Variants in MYT1L observed in about 807,000 individuals in gnomAD.
MYT1L encodes myelin transcription factor 1 like.
A neutral mutation model predicts 126.7 loss-of-function variants in MYT1L; 12 were observed. The observed-to-expected ratio is 0.09, with a 90% confidence interval of 0.06 to 0.15. The LOEUF (loss-of-function observed/expected upper bound fraction) is 0.15, where lower values mean the gene tolerates loss of function less well. Ranked by LOEUF, MYT1L falls within the 10% of genes least tolerant of loss-of-function variation. The pLI, the probability that MYT1L is intolerant of heterozygous loss-of-function variation, is 1.00. For missense variants in MYT1L, 979 were observed against 1,585.2 expected (o/e 0.62, Z 6.49); for synonymous variants, 541 against 604.2 (o/e 0.90, Z 1.53).
rs1376710205 is a variant in MYT1L at position 2,217,735 on chromosome 2, AAAAG to A, written c.-420-44751_-420-44748del. 6.2e-5 allele frequency among the ~76,000 whole-genome samples: 9 copies of A among 145,508 alleles called. No individual in the cohort carries two copies. In the South Asian group the frequency reaches 6.6e-4, roughly 11 times the overall value. On this transcript the variant is annotated intron_variant, in intron 2 of 24. Coordinates refer to ENST00000647738, the MANE Select transcript of MYT1L (RefSeq NM_001303052.2). ...AAAAAAAAAAGAAAGAAGGAAAAAG[AAAAG>A]AAAGAAAGAAAGAAAATCCACATTA...
rs1020028650 is a variant in MYT1L, at chr2:1,856,300, C to T, written c.2712-4597G>A. The stretch of plus-strand genomic sequence containing the variant: ...TGGCCTTGTCTTTACTATTCACCAC[C>T]AAAGAAACAATCTCTGTGAGCCTGT... On this transcript the variant is annotated intron_variant, in intron 18 of 24. Coordinates refer to ENST00000647738, the MANE Select transcript of MYT1L (RefSeq NM_001303052.2). Among the ~76,000 whole-genome samples, 11 of 152,286 alleles carry T rather than the reference C, an allele frequency of 7.2e-5. No individual in the cohort carries two copies. In the East Asian group the frequency reaches 2.1e-3, roughly 29 times the overall value.
rs549516159 is a variant in MYT1L at position 1,923,527 on chromosome 2, G to A, written c.506-264C>T. On this transcript the variant is annotated intron_variant, in intron 9 of 24. Transcript: ENST00000647738. The stretch of plus-strand genomic sequence containing the variant: ...GATCTTAAGATAAACCAGTCAATGT[G>A]GCAAATATGATTTTAAAAATTAATT... Among the ~76,000 whole-genome samples, 5 of 152,284 alleles carry A rather than the reference G, an allele frequency of 3.3e-5. No individual in the cohort carries two copies. The South Asian group carries it at 1.0e-3, about 32-fold the overall frequency.
intron 2 of MYT1L, among the ~76,000 whole-genome samples, chr2:2,222,011 G>C (rs552629949): frequency 6.6e-6 from 1 of 152,280 alleles, no homozygotes; most frequent in Non-Finnish European, 1.5e-5. Flanking sequence ...TGTCAGCTAG[G>C]TAAACACCAT....
intron 3 of MYT1L, among the ~76,000 whole-genome samples, chr2:2,137,411 A>G (rs1188151433): frequency 1.3e-5 from 2 of 152,060 alleles, no homozygotes; most frequent in African/African-American, 4.8e-5. Flanking sequence ...AACAAAGCTG[A>G]AAGCATCACG....
At chr2:2,019,549 C>A (rs2064815290) in intron 4 of MYT1L, among the ~76,000 whole-genome samples, 1 of 152,202 alleles carries the variant, frequency 6.6e-6, no homozygotes, top group Non-Finnish European at 1.5e-5. Flanking sequence ...TCAAGTGATA[C>A]ATAAATATAT....
intron 1 of MYT1L, among the ~76,000 whole-genome samples, chr2:2,289,769 A>G (rs1322837732): frequency 6.6e-6 from 1 of 152,214 alleles, no homozygotes; most frequent in African/African-American, 2.4e-5. Flanking sequence ...TTGATATCTG[A>G]GACGTTAGGT....
chr2:1,851,719 C>G lies in MYT1L; in HGVS notation c.2712-16G>C. 1.9e-6 allele frequency: 3 copies of G among 1,611,220 alleles called. No individual in the cohort carries two copies. The highest frequency in any genetic ancestry group is 2.5e-6 in the Non-Finnish European group (3 of 1,177,820). ...CGTGGGGCACCTACAATAAAAAATG[C>G]AAATTGTGTTAAAATGGAAAGAAAT... On this transcript the variant is annotated splice_polypyrimidine_tract_variant and intron_variant, in intron 18 of 24. Coordinates refer to ENST00000647738, the MANE Select transcript of MYT1L (RefSeq NM_001303052.2).
At chr2:2,319,264 C>T (rs755384253) in intron 1 of MYT1L, 1 of 152,156 alleles carries the variant, frequency 6.6e-6, no homozygotes, top group Non-Finnish European at 1.5e-5. Flanking sequence ...CATGCCAAAT[C>T]CAAAATGTTC....
At chr2:2,094,222 C>T (rs1450415497) in intron 3 of MYT1L, among the ~76,000 whole-genome samples, 3 of 152,166 alleles carry the variant, frequency 2.0e-5, no homozygotes, top group Admixed American at 6.5e-5. Context: ...CTATGAGATA[C>T]TATCTCACAC....
At chr2:2,039,038 GT>G (rs897937256) in intron 4 of MYT1L, among the ~76,000 whole-genome samples, 2 of 152,144 alleles carry the variant, frequency 1.3e-5, no homozygotes. Flanking sequence ...AGCTCCTTGT[GT>G]TATGTGGCTA....
At chr2:2,274,794 G>A (rs192400595) in intron 2 of MYT1L, among the ~76,000 whole-genome samples, 37 of 152,236 alleles carry the variant, frequency 2.4e-4, no homozygotes, top group Admixed American at 7.2e-4. Flanking sequence ...AGCATGCCAC[G>A]GTAAGATGGA....
intron 2 of MYT1L, among the ~76,000 whole-genome samples, chr2:2,272,078 C>T (rs1219697766): frequency 6.6e-6 from 1 of 152,234 alleles, no homozygotes; most frequent in East Asian, 1.9e-4. Context: ...AGCAGTAATG[C>T]CCTCCTGCCC....
chr2:1,984,979 C>T (rs965945367), intron 5 of MYT1L, among the ~76,000 whole-genome samples: 13 of 152,222 alleles, frequency 8.5e-5, no homozygotes, highest in East Asian at 3.9e-4. Flanking sequence ...CCTCCTAACC[C>T]GAGTCTCTAG....
At chr2:1,841,154 C>A (rs1422366524) in intron 19 of MYT1L, 3 of 174,422 alleles carry the variant, frequency 1.7e-5, no homozygotes, top group Non-Finnish European at 3.3e-5. Context: ...ATTTGCCCAC[C>A]TCGGCCTCTT....
intron 8 of MYT1L, among the ~76,000 whole-genome samples, chr2:1,967,959 G>C (rs542267289): frequency 2.1e-4 from 32 of 152,288 alleles, no homozygotes; most frequent in African/African-American, 7.7e-4. Flanking sequence ...TCGGGCCCCT[G>C]CACTGCTCCC....
chr2:1,887,421 T>C lies in MYT1L; in HGVS notation c.2642+67A>G. 1 of 1,607,086 alleles carries C rather than the reference T, an allele frequency of 6.2e-7. No homozygotes were observed. The highest frequency in any genetic ancestry group is 8.5e-7 in the Non-Finnish European group (1 of 1,174,162). ...ACGGCAAGGCATATACAGATCCAGT[T>C]TTAAAAAATCAGCCAAAGAATGGGA... On this transcript the variant is annotated intron_variant, in intron 17 of 24. Transcript: ENST00000647738. The surrounding 1 kb of genome is among the most constrained non-coding windows in gnomAD (Gnocchi z 4.8).
chr2:2,109,879 A>T (rs1196879579), intron 3 of MYT1L, among the ~76,000 whole-genome samples: 2 of 30,138 alleles, frequency 6.6e-5, no homozygotes, highest in South Asian at 1.4e-3. Flanking sequence ...CTGATTTTAT[A>T]TATATATATA....
At chr2:1,873,004 T>C (rs2046449115) in intron 18 of MYT1L, among the ~76,000 whole-genome samples, 1 of 152,162 alleles carries the variant, frequency 6.6e-6, no homozygotes, top group African/African-American at 2.4e-5. Flanking sequence ...CAGTCTGGCT[T>C]TGAAGGCTGT....
At chr2:1,872,310 G>A (rs1161577077) in intron 18 of MYT1L, among the ~76,000 whole-genome samples, 1 of 152,202 alleles carries the variant, frequency 6.6e-6, no homozygotes, top group Non-Finnish European at 1.5e-5. Context: ...ACGAAAGGTA[G>A]AACTGAAGCC....
Sources: gnomAD v4.1 joint callset for allele counts (sites outside exome capture counted in the v4.1 genomes callset) on GRCh38, gnomAD v4.1.1 for gene constraint, Gnocchi (gnomAD v3.1) non-coding constraint, MANE v1.5 for transcripts, NCBI Gene and HGNC (gene_info 2026-07-23, HGNC 2026-07-21) for gene names.